GOLIM4: variants seen among roughly 807,000 people sequenced by gnomAD.
The protein encoded by GOLIM4 is 130 kDa golgi-localized phosphoprotein.
A neutral mutation model predicts 107.4 loss-of-function variants in GOLIM4; 71 were observed. The observed-to-expected ratio is 0.66, with a 90% CI of 0.55 to 0.81. The LOEUF (loss-of-function observed/expected upper bound fraction) is 0.81. Among genes scored for constraint, GOLIM4 ranks in the 30% least tolerant of loss-of-function variants. GOLIM4 has a pLI of 0.00. For synonymous variants in GOLIM4, 327 were observed against 294.8 expected, an observed-to-expected ratio of 1.11 and a Z score of -1.12; for missense variants, 830 against 826.1, an observed-to-expected ratio of 1.00 and a Z score of -0.06.
chr3:168,092,939 G>C (rs531777357), intron 1 of GOLIM4, among the ~76,000 whole-genome samples: 2 of 152,208 alleles, frequency 1.3e-5, no homozygotes, highest in African/African-American at 4.8e-5. Flanking sequence ...TAATTAGAGA[G>C]GAAATGACAA....
rs531274232 is a variant in GOLIM4, at chr3:168,021,265, A to G, written c.1860+3261T>C. ...GAGAGCTGAGCCTCAAGTAGGTAAG[A>G]ACAGTAGGATCCAAAGAGATAGATA... On this transcript the variant is annotated intron_variant, in intron 14 of 15. Coordinates refer to ENST00000470487, the MANE Select transcript of GOLIM4 (RefSeq NM_014498.5). 4.1e-4 allele frequency among the ~76,000 whole-genome samples: 63 copies of G among 152,318 alleles called. No homozygotes were observed. The South Asian group carries it at 0.011, about 28-fold the overall frequency.
In GOLIM4 at chr3:168,015,914, G is replaced by A. The variant is rs1232239129; in HGVS notation, c.1861-5091C>T. Reference sequence around the variant, plus strand: ...GTCAAGATGGATTAAAGACTTAAACGTTAGACCTAAAACCATAAAAACCCT... The same window carrying A: ...GTCAAGATGGATTAAAGACTTAAACATTAGACCTAAAACCATAAAAACCCT... On this transcript the variant is annotated intron_variant, in intron 14 of 15. Coordinates refer to ENST00000470487, the MANE Select transcript of GOLIM4 (RefSeq NM_014498.5). Among the ~76,000 whole-genome samples the A allele has an allele frequency of 3.7e-5, 5 of 134,246 alleles. 1 individual carries two copies. The highest frequency in any genetic ancestry group is 4.4e-5 in the Non-Finnish European group (3 of 67,650). The allele number at this position is 134,246 out of a possible 152,430, so 88.1% of individuals were successfully genotyped here.
At chr3:168,044,239 C>T (rs1365716727) in intron 4 of GOLIM4, among the ~76,000 whole-genome samples, 1 of 152,112 alleles carries the variant, frequency 6.6e-6, no homozygotes, top group Non-Finnish European at 1.5e-5. Context: ...GAGGGGGAGG[C>T]ACGGTGGGGT....
At position 168,029,223 on chromosome 3, in the gene GOLIM4, C is replaced by A; in HGVS notation, c.1513G>T (p.Ala505Ser). ...TTCATCATCTAGGAAGTCTCACCAC[C>A]TCCTTCCTCTCCTTGGATTCCCTGG... ...EDQGIQGEEG[A>S]YERDNQHQDE... The change falls in exon 11 of 16, where the codon GCC (alanine) becomes TCC (serine). Residue 505 changes from alanine (A) to serine (S), a missense_variant and splice_region_variant. Ala to Ser is a moderately conservative substitution (Grantham distance 99, BLOSUM62 1). Coordinates refer to ENST00000470487, the MANE Select transcript of GOLIM4 (RefSeq NM_014498.5). 3.2e-6 allele frequency: 5 copies of A among 1,573,456 alleles called. No individual in the cohort carries two copies. Among genetic ancestry groups the A allele is most frequent in the Non-Finnish European group, 4.4e-6 (5 of 1,144,608 alleles).
At chr3:168,076,839 A>G (rs1349228112) in intron 1 of GOLIM4, among the ~76,000 whole-genome samples, 2 of 152,242 alleles carry the variant, frequency 1.3e-5, no homozygotes, top group African/African-American at 2.4e-5. Context: ...ATCCAGTATG[A>G]AAGTTTTTAA....
At chr3:168,074,858 T>C (rs1040102745) in intron 1 of GOLIM4, among the ~76,000 whole-genome samples, 2 of 152,136 alleles carry the variant, frequency 1.3e-5, no homozygotes, top group African/African-American at 4.8e-5. Context: ...ATCATGCCAA[T>C]AGGTTCTGTT....
At chr3:168,066,161 G>A (rs1180657064) in intron 1 of GOLIM4, among the ~76,000 whole-genome samples, 1 of 151,776 alleles carries the variant, frequency 6.6e-6, no homozygotes, top group Non-Finnish European at 1.5e-5. Context: ...CTTGATTAGG[G>A]CCGAAGGGCT....
At chr3:168,029,666 G>C in intron 10 of GOLIM4, 114 bp downstream of exon 10, 1 of 1,159,322 alleles carries the variant, frequency 8.6e-7, no homozygotes, top group Admixed American at 2.3e-5. Flanking sequence ...TTGGCTATTT[G>C]AGCAATATGA....
intron 3 of GOLIM4, 130 bp downstream of exon 3, chr3:168,046,818 AAG>A: frequency 6.5e-6 from 3 of 461,094 alleles, no homozygotes; most frequent in South Asian, 5.0e-5. Context: ...AAAAAAAAAA[AAG>A]GGGGTGTCAG....
intron 3 of GOLIM4, among the ~76,000 whole-genome samples, chr3:168,045,663 C>G (rs915463607): frequency 1.3e-5 from 2 of 152,128 alleles, no homozygotes; most frequent in South Asian, 2.1e-4. Context: ...TGTTTAGGTA[C>G]CATATCCCTC....
chr3:168,061,088 G>A (rs1241650674), intron 1 of GOLIM4, among the ~76,000 whole-genome samples: 1 of 149,440 alleles, frequency 6.7e-6, no homozygotes, highest in Non-Finnish European at 1.5e-5. Context: ...TGCCAATAAA[G>A]CAAGCATATT....
At chr3:168,033,609 A>G (rs1718468450) in intron 8 of GOLIM4, among the ~76,000 whole-genome samples, 1 of 76,720 alleles carries the variant, frequency 1.3e-5, no homozygotes, top group East Asian at 2.5e-4. Flanking sequence ...TCCGTCTCAA[A>G]AAAAAAAAAA....
intron 1 of GOLIM4, among the ~76,000 whole-genome samples, chr3:168,081,671 A>G (rs966046294): frequency 6.6e-6 from 1 of 152,162 alleles, no homozygotes; most frequent in Non-Finnish European, 1.5e-5. Flanking sequence ...CTTAAATTTA[A>G]AATGGTAATA....
intron 14 of GOLIM4, among the ~76,000 whole-genome samples, chr3:168,018,210 G>A (rs1363003189): frequency 1.3e-5 from 2 of 152,134 alleles, no homozygotes; most frequent in African/African-American, 4.8e-5. Context: ...TGGGGGGAGT[G>A]GAGGAGACTG....
rs978473395 is a variant in GOLIM4 at position 168,010,793 on chromosome 3, T to C, written c.1891A>G (p.Arg631Gly). Residue 631 changes from arginine to glycine, a missense_variant, in exon 15 of 16, where the codon AGG (arginine) becomes GGG (glycine). Physicochemically the swap from Arg to Gly is moderately radical, Grantham distance 125. Transcript: ENST00000470487. ...TCTTCAGCATTATGCTCCAGTTCCC[T>C]TTTTTTCTCTTCAGTCAAATCTTCC... Reference protein sequence around the residue: ...VQEDLTEEKKRELEHNAEETY... With the variant: ...VQEDLTEEKKGELEHNAEETY... 1 of 1,608,870 alleles carries C rather than the reference T, an allele frequency of 6.2e-7. No individual in the cohort carries two copies. The highest frequency in any genetic ancestry group is 1.7e-5 in the Admixed American group (1 of 60,016).
intron 1 of GOLIM4, among the ~76,000 whole-genome samples, chr3:168,094,363 G>A (rs1261580247): frequency 6.6e-6 from 1 of 152,152 alleles, no homozygotes; most frequent in African/African-American, 2.4e-5. Context: ...TTGGCTTCCC[G>A]AAGCTAACTG....
chr3:168,063,157 A>C (rs1351120290), intron 1 of GOLIM4, among the ~76,000 whole-genome samples: 1 of 152,088 alleles, frequency 6.6e-6, no homozygotes, highest in Non-Finnish European at 1.5e-5. Context: ...GTATTTCCCA[A>C]CACCACCAAA....
intron 12 of GOLIM4, among the ~76,000 whole-genome samples, chr3:168,026,137 T>C (rs530056023): frequency 6.6e-6 from 1 of 152,300 alleles, no homozygotes; most frequent in East Asian, 1.9e-4. Context: ...TCAGCTGATC[T>C]ATTATCTGCA....
At chr3:168,010,704 C>T in intron 15 of GOLIM4, 39 bp downstream of exon 15, 1 of 1,416,106 alleles carries the variant, frequency 7.1e-7, no homozygotes, top group African/African-American at 1.4e-5. Context: ...CACCCACAAA[C>T]ACTCAAGTGC....
Sources: allele counts gnomAD v4.1 joint callset (sites outside exome capture counted in the v4.1 genomes callset), GRCh38; gene constraint gnomAD v4.1.1; transcripts MANE v1.5; gene names NCBI Gene and HGNC (gene_info 2026-07-23, HGNC 2026-07-21).